The following GIGYF2 variants were observed in gnomAD, a reference collection of about 807,000 sequenced individuals.
The protein encoded by GIGYF2 is GRB10-interacting GYF protein 2.
GIGYF2 carries 25 observed loss-of-function variants against 208.1 expected under a neutral mutation model. The ratio of observed to expected loss-of-function variants is 0.12; its 90% CI spans 0.09 to 0.17. GIGYF2 has a LOEUF of 0.17. Among genes scored for constraint, GIGYF2 ranks in the 10% least tolerant of loss-of-function variants. The pLI is 1.00. For missense variants in GIGYF2, 1,302 were observed against 1,579.4 expected (o/e 0.82, Z 2.98); for synonymous variants, 534 against 543.8 (o/e 0.98, Z 0.25).
At chr2:232,775,508 A>T (rs918960825) in intron 8 of GIGYF2, among the ~76,000 whole-genome samples, 2 of 152,158 alleles carry the variant, frequency 1.3e-5, no homozygotes, top group African/African-American at 4.8e-5. Flanking sequence ...TACTATTGTT[A>T]CCTGATATTT....
chr2:232,781,701 G>A (rs1009646004), intron 8 of GIGYF2, among the ~76,000 whole-genome samples: 1 of 151,964 alleles, frequency 6.6e-6, no homozygotes, highest in Non-Finnish European at 1.5e-5. Context: ...CACCCTTTTA[G>A]CTTGTTATAC....
chr2:232,780,533 T>C (rs568598568), intron 8 of GIGYF2, among the ~76,000 whole-genome samples: 1 of 152,360 alleles, frequency 6.6e-6, no homozygotes, highest in South Asian at 2.1e-4. Context: ...TGACGAAAGC[T>C]GTAGACCCTT....
chr2:232,717,297 G>C (rs1331032107), intron 2 of GIGYF2, among the ~76,000 whole-genome samples: 2 of 152,120 alleles, frequency 1.3e-5, no homozygotes, highest in Non-Finnish European at 2.9e-5. Flanking sequence ...GGGCAACAGT[G>C]TTGAGACACT....
chr2:232,796,313 GAAA>G (rs1700221453), intron 14 of GIGYF2, 92 bp downstream of exon 14: 11 of 885,716 alleles, frequency 1.2e-5, no homozygotes, highest in Middle Eastern at 2.1e-4. Context: ...AATTATAGTA[GAAA>G]AAGAAGTCAA....
At chr2:232,721,015 C>T (rs6758241) in intron 2 of GIGYF2, among the ~76,000 whole-genome samples, 174 of 152,252 alleles carry the variant, frequency 1.1e-3, no homozygotes, top group African/African-American at 3.9e-3. Context: ...AGGGAAGAAC[C>T]CGATCATCTT....
intron 8 of GIGYF2, among the ~76,000 whole-genome samples, chr2:232,763,606 C>T (rs1051906994): frequency 1.3e-4 from 20 of 152,054 alleles, no homozygotes; most frequent in African/African-American, 4.6e-4. Context: ...TGGCAGATCA[C>T]GTGAGGTCAG....
intron 16 of GIGYF2, 99 bp downstream of exon 16, chr2:232,809,910 G>A (rs536093169): frequency 2.3e-5 from 18 of 767,854 alleles, no homozygotes; most frequent in African/African-American, 1.2e-4. Context: ...GAGGACTAAC[G>A]GCTTATATGG....
chr2:232,733,559 G>C (rs916291894), intron 2 of GIGYF2, among the ~76,000 whole-genome samples: 2 of 152,164 alleles, frequency 1.3e-5, no homozygotes, highest in Non-Finnish European at 2.9e-5. Context: ...GATAAAGGGA[G>C]AGAATCCTTA....
At chr2:232,852,372 C>T (rs1023881397) in intron 28 of GIGYF2, among the ~76,000 whole-genome samples, 6 of 152,058 alleles carry the variant, frequency 3.9e-5, no homozygotes, top group African/African-American at 1.4e-4. Flanking sequence ...ATGGTGAAAC[C>T]TCGTCTCTAG....
chr2:232,827,876 T>C (rs1701298677), intron 21 of GIGYF2, among the ~76,000 whole-genome samples: 1 of 152,248 alleles, frequency 6.6e-6, no homozygotes, highest in Non-Finnish European at 1.5e-5. Context: ...GTATGTTGCA[T>C]TCTTTATTAT....
intron 8 of GIGYF2, chr2:232,768,232 T>C: frequency 6.2e-7 from 1 of 1,614,168 alleles, no homozygotes; most frequent in Non-Finnish European, 8.5e-7. Context: ...AAATTGTCAA[T>C]GCTTTGTCCA....
chr2:232,785,475 CTG>C (rs1699881365), intron 8 of GIGYF2, among the ~76,000 whole-genome samples: 1 of 152,198 alleles, frequency 6.6e-6, no homozygotes, highest in African/African-American at 2.4e-5. Context: ...TCCACGAGGT[CTG>C]TGTCACTACA....
rs114013774 is a variant in GIGYF2 at position 232,847,513 on chromosome 2, T to C, written c.3626T>C (p.Leu1209Pro). ...AACCAGCAGCGTCAGCAGCAGCAGC[T>C]GCCACAGCAGCAGCAGCAGCAGCCG... ...KANQQRQQQQ[L>P]PQQQQQQPPQ... is the part of the protein sequence containing the mutation. The change falls in exon 27 of 29, where the codon CTG becomes CCG. Residue 1209 changes from leucine (L) to proline (P), a missense_variant. This residue lies in a region of GIGYF2 where 701 missense variants were observed against 793.0 expected (regional missense o/e 0.88). Transcript: ENST00000373563. 1.7e-4 allele frequency: 226 copies of C among 1,365,550 alleles called. 1 individual carries two copies. Among genetic ancestry groups the C allele is most frequent in the South Asian group, 5.8e-4 (48 of 83,386 alleles). The allele number at this position is 1,365,550 out of a possible 1,614,324, so 84.6% of individuals were successfully genotyped here.
intron 23 of GIGYF2, among the ~76,000 whole-genome samples, chr2:232,843,824 C>T (rs1191666303): frequency 6.6e-6 from 1 of 152,156 alleles, no homozygotes. Flanking sequence ...GAGACACAGT[C>T]TCAACAACAA....
At chr2:232,698,088 T>C (rs1446885133) in intron 1 of GIGYF2, among the ~76,000 whole-genome samples, 2 of 152,202 alleles carry the variant, frequency 1.3e-5, no homozygotes, top group Non-Finnish European at 2.9e-5. Context: ...TATCCTTAAG[T>C]GTCAGTTTCC....
At chr2:232,762,968 G>A (rs774383030) in intron 8 of GIGYF2, among the ~76,000 whole-genome samples, 20 of 151,936 alleles carry the variant, frequency 1.3e-4, no homozygotes, top group Non-Finnish European at 2.4e-4. Context: ...GCTGCAGTGA[G>A]CCGTGATCAC....
At chr2:232,790,179 G>C (rs1340825736) in intron 9 of GIGYF2, among the ~76,000 whole-genome samples, 8 of 152,182 alleles carry the variant, frequency 5.3e-5, no homozygotes, top group African/African-American at 1.9e-4. Context: ...AGAATTACAA[G>C]TGGGAACCTG....
intron 2 of GIGYF2, among the ~76,000 whole-genome samples, chr2:232,728,335 T>C (rs1349868367): frequency 6.6e-6 from 1 of 152,136 alleles, no homozygotes; most frequent in Admixed American, 6.6e-5. Flanking sequence ...ATCAGAAAGG[T>C]GCCTTAGGAA....
At position 232,856,844 on chromosome 2, in the gene GIGYF2, C is replaced by T. The variant is rs751053780; in HGVS notation, c.3884C>T (p.Thr1295Met). ...SERLNMGEIETLDDY is the reference protein window; with the variant it reads ...SERLNMGEIEMLDDY ...CGACTCAACATGGGTGAAATCGAGACGTTGGATGACTACTGAGCACCTGCC... is the reference window on the plus strand; with the variant it reads ...CGACTCAACATGGGTGAAATCGAGATGTTGGATGACTACTGAGCACCTGCC... The change falls in exon 29 of 29, where the codon ACG (threonine) becomes ATG (methionine). Residue 1295 changes from threonine to methionine, a missense_variant. Thr to Met is a moderately conservative substitution (Grantham distance 81). This residue lies in a region of GIGYF2 where 25 missense variants were observed against 53.7 expected (regional missense o/e 0.47). Coordinates refer to ENST00000373563, the MANE Select transcript of GIGYF2 (RefSeq NM_001103146.3). 6.4e-5 allele frequency: 103 copies of T among 1,610,916 alleles called. 1 individual carries two copies. The South Asian group carries it at 9.7e-4, about 15-fold the overall frequency.
Sources: gnomAD v4.1 joint callset for allele counts (sites outside exome capture counted in the v4.1 genomes callset) on GRCh38, gnomAD v4.1.1 for gene constraint, gnomAD v4.1.1 regional missense constraint, MANE v1.5 for transcripts, NCBI Gene and HGNC (gene_info 2026-07-23, HGNC 2026-07-21) for gene names.